The following TRIO variants were observed in gnomAD, a reference collection of about 807,000 sequenced individuals.
TRIO encodes trio Rho guanine nucleotide exchange factor.
A neutral mutation model predicts 351.9 loss-of-function variants in TRIO; 58 were observed. The ratio of observed to expected loss-of-function variants is 0.16; its 90% CI spans 0.13 to 0.21. TRIO has a LOEUF of 0.21. TRIO is among the 10% of genes least tolerant of loss of function. The pLI, the probability that TRIO is intolerant of heterozygous loss-of-function variation, is 1.00. For synonymous variants in TRIO, 1,758 were observed against 1,595.7 expected, an observed-to-expected ratio of 1.10 and a Z score of -2.42; for missense variants, 3,201 against 4,027.8, an observed-to-expected ratio of 0.79 and a Z score of 5.56.
At chr5:14,445,468 TA>T (rs1173724384) in intron 34 of TRIO, among the ~76,000 whole-genome samples, 1 of 152,196 alleles carries the variant, frequency 6.6e-6, no homozygotes, top group Non-Finnish European at 1.5e-5. Context: ...TGTTTATATG[TA>T]AAATGATGCT....
intron 11 of TRIO, among the ~76,000 whole-genome samples, chr5:14,352,199 C>G (rs1743198392): frequency 6.6e-6 from 1 of 152,202 alleles, no homozygotes; most frequent in Non-Finnish European, 1.5e-5. Flanking sequence ...CTCTTCCACC[C>G]AGCCCTCTGG....
intron 41 of TRIO, among the ~76,000 whole-genome samples, chr5:14,478,728 G>C (rs946016295): frequency 6.6e-6 from 1 of 151,360 alleles, no homozygotes; most frequent in Non-Finnish European, 1.5e-5. Flanking sequence ...CAAGGCAGGA[G>C]GGTTGCTGAG....
rs574007978 is a variant in TRIO at position 14,469,251 on chromosome 5, C to A, written c.5764-2067C>A. On this transcript the variant is annotated intron_variant, in intron 37 of 56. Transcript: ENST00000344204. ...AGCATAATAAAACCAAAAATTTATTCTTTAAATATAGGCATTAGGTAACCA... is the reference window on the plus strand; with the variant it reads ...AGCATAATAAAACCAAAAATTTATTATTTAAATATAGGCATTAGGTAACCA... 2.0e-5 allele frequency among the ~76,000 whole-genome samples: 3 copies of A among 152,158 alleles called. No homozygotes were observed. In the East Asian group the frequency reaches 5.8e-4, roughly 29 times the overall value.
At chr5:14,444,055 T>C (rs1268825683) in intron 34 of TRIO, among the ~76,000 whole-genome samples, 1 of 151,466 alleles carries the variant, frequency 6.6e-6, no homozygotes, top group East Asian at 1.9e-4. Flanking sequence ...CTGTGTGCTT[T>C]ATAATTCTTG....
Position 14,178,158 on chromosome 5 carries a change from G to T in TRIO, c.157+34276G>T, listed in dbSNP as rs16903259. Among the ~76,000 whole-genome samples, 918 of 152,094 alleles carry T rather than the reference G, an allele frequency of 6.0e-3. 8 individuals carry two copies. The highest frequency in any genetic ancestry group is 0.02 in the African/African-American group (838 of 41,482). ...GTCTGCTAGGGCAGAGATTCCATTC[G>T]GCCTTTATTACTTTGGATTTGCCAA... On this transcript the variant is annotated intron_variant, in intron 1 of 56. Transcript: ENST00000344204.
At position 14,509,131 on chromosome 5, in the gene TRIO, T is replaced by G; in HGVS notation, c.*709T>G. 4.7e-6 allele frequency: 1 copy of G among 214,116 alleles called. No homozygotes were observed. The highest frequency in any genetic ancestry group is 5.1e-5 in the South Asian group (1 of 19,656). 13.3% of individuals were successfully genotyped at this position (214,116 alleles called of 1,614,324 possible). A position where few individuals can be genotyped will look rare whatever the true frequency, so the allele number is the denominator to read the frequency against. On this transcript the variant is annotated 3_prime_UTR_variant, in exon 57 of 57. Transcript: ENST00000344204. The stretch of plus-strand genomic sequence containing the variant: ...AGGGTCTTCCCATCACATGAAGACA[T>G]CAGGTTGGGTCCTGCCCCACTGCCC...
intron 20 of TRIO, among the ~76,000 whole-genome samples, chr5:14,380,453 C>T (rs1174133062): frequency 6.6e-6 from 1 of 152,208 alleles, no homozygotes; most frequent in African/African-American, 2.4e-5. Flanking sequence ...GCTGCCCTGG[C>T]CATGTCCCCT....
rs955488468 is a variant in TRIO, at chr5:14,410,793, G to T, written c.4959+4121G>T. Among the ~76,000 whole-genome samples the T allele has an allele frequency of 3.3e-5, 5 of 152,148 alleles. No individual in the cohort carries two copies. In the East Asian group the frequency reaches 9.6e-4, roughly 29 times the overall value. On this transcript the variant is annotated intron_variant, in intron 33 of 56. Transcript: ENST00000344204. Reference sequence around the variant, plus strand: ...AGTCTGAAGGAGGGACCCTGGAGACGCCCTCTTTCCAGGGAGCACTGTCAG... The same window carrying T: ...AGTCTGAAGGAGGGACCCTGGAGACTCCCTCTTTCCAGGGAGCACTGTCAG...
At chr5:14,476,806 A>G (rs1056699467) in intron 40 of TRIO, 88 bp from the exon 41 acceptor site, 1 of 1,226,372 alleles carries the variant, frequency 8.2e-7, no homozygotes, top group South Asian at 1.4e-5. Flanking sequence ...AAAAAAAAGA[A>G]AAAAAGAAAA....
At chr5:14,290,317 G>A (rs1418138013) in intron 4 of TRIO, among the ~76,000 whole-genome samples, 1 of 152,194 alleles carries the variant, frequency 6.6e-6, no homozygotes, top group Non-Finnish European at 1.5e-5. Flanking sequence ...AAAAGAATGG[G>A]GAGAAGAATG....
intron 1 of TRIO, among the ~76,000 whole-genome samples, chr5:14,170,175 T>C (rs1789010905): frequency 6.6e-6 from 1 of 152,234 alleles, no homozygotes; most frequent in Non-Finnish European, 1.5e-5. Flanking sequence ...AAAGCCTTTT[T>C]TTCTTTTTTG....
intron 34 of TRIO, among the ~76,000 whole-genome samples, chr5:14,435,665 A>G (rs1751524003): frequency 6.6e-6 from 1 of 152,168 alleles, no homozygotes; most frequent in Non-Finnish European, 1.5e-5. Flanking sequence ...TCCCTCTGCC[A>G]TTCTTTACTT....
At chr5:14,230,983 C>T (rs1430384472) in intron 1 of TRIO, among the ~76,000 whole-genome samples, 1 of 152,158 alleles carries the variant, frequency 6.6e-6, no homozygotes, top group Non-Finnish European at 1.5e-5. Context: ...ATTAAATTTG[C>T]AAGTTAGTGC....
chr5:14,222,922 T>C (rs904780006), intron 1 of TRIO, among the ~76,000 whole-genome samples: 10 of 152,178 alleles, frequency 6.6e-5, no homozygotes, highest in Admixed American at 6.5e-4. Context: ...TGGCGTGCAG[T>C]GTGGACATGT....
At position 14,508,619 on chromosome 5, in the gene TRIO, C is replaced by A. The variant is rs1447180541; in HGVS notation, c.*197C>A. Reference sequence around the variant, plus strand: ...CGCTGGGGTGGAGGACCGTCACTTACACTCTGCCCAAGGCAGAGGTCGCAT... The same window carrying A: ...CGCTGGGGTGGAGGACCGTCACTTAAACTCTGCCCAAGGCAGAGGTCGCAT... On this transcript the variant is annotated 3_prime_UTR_variant, in exon 57 of 57. Transcript: ENST00000344204. 3 of 631,546 alleles carry A rather than the reference C, an allele frequency of 4.8e-6. No individual in the cohort carries two copies. The highest frequency in any genetic ancestry group is 5.3e-6 in the Non-Finnish European group (2 of 374,970). The allele number at this position is 631,546 out of a possible 1,614,324, so 39.1% of individuals were successfully genotyped here. A position where few individuals can be genotyped will look rare whatever the true frequency, so the allele number is the denominator to read the frequency against.
chr5:14,404,234 CTCTAG>C (rs1024410963), intron 31 of TRIO, among the ~76,000 whole-genome samples: 3 of 152,018 alleles, frequency 2.0e-5, no homozygotes, highest in Admixed American at 1.3e-4. Flanking sequence ...ATTTTCACTT[CTCTAG>C]TCTGGAAAAG....
At chr5:14,316,872 G>T in intron 9 of TRIO, 129 bp downstream of exon 9, 1 of 1,118,922 alleles carries the variant, frequency 8.9e-7, no homozygotes. Flanking sequence ...GAGCTTTTTT[G>T]TTGAATGTAA....
intron 13 of TRIO, among the ~76,000 whole-genome samples, chr5:14,360,747 C>T (rs545168009): frequency 2.3e-4 from 35 of 152,318 alleles, no homozygotes; most frequent in African/African-American, 7.2e-4. Context: ...ACCAGCCCTG[C>T]GCAGGACTCT....
intron 11 of TRIO, among the ~76,000 whole-genome samples, chr5:14,357,263 C>T (rs1434800752): frequency 6.6e-6 from 1 of 152,258 alleles, no homozygotes; most frequent in Non-Finnish European, 1.5e-5. Flanking sequence ...GCTGAGCCGG[C>T]TGTCCCCACT....
Sources: gnomAD v4.1 joint callset for allele counts (sites outside exome capture counted in the v4.1 genomes callset) on GRCh38, gnomAD v4.1.1 for gene constraint, MANE v1.5 for transcripts, NCBI Gene and HGNC (gene_info 2026-07-23, HGNC 2026-07-21) for gene names.